C5orf24: variants seen among roughly 807,000 people sequenced by gnomAD.
The protein encoded by C5orf24 is chromosome 5 open reading frame 24, also known as UPF0461 protein C5orf24.
A neutral mutation model predicts 9.8 loss-of-function variants in C5orf24; 4 were observed. That is an observed-to-expected ratio of 0.41 (90% CI 0.20 to 0.93). C5orf24 has a LOEUF of 0.93. C5orf24 is among the 40% of genes least tolerant of loss of function. The pLI, the probability that C5orf24 is intolerant of heterozygous loss-of-function variation, is 0.33. For synonymous variants in C5orf24, 73 were observed against 81.3 expected (o/e 0.90, Z 0.55); for missense variants, 170 against 236.9 (o/e 0.72, Z 1.85).
At chr5:134,853,528 C>T (rs868709249) in intron 1 of C5orf24, among the ~76,000 whole-genome samples, 159 of 104,244 alleles carry the variant, frequency 1.5e-3, no homozygotes, top group African/African-American at 5.2e-3. Context: ...TCTTCTTCTT[C>T]TTTTTTTTTT....
chr5:134,837,686 TC>T, the C5orf24 span, among the ~76,000 whole-genome samples: 1 of 150,600 alleles, frequency 6.6e-6, no homozygotes, highest in Non-Finnish European at 1.5e-5. Flanking sequence ...AAAAAAGCTG[TC>T]TGTGAATCAG....
At position 134,856,865 on chromosome 5, in the gene C5orf24, A is replaced by G. The variant is rs1312736236; in HGVS notation, c.*1398A>G. 4.0e-6 allele frequency: 4 copies of G among 1,000,284 alleles called. No individual in the cohort carries two copies. Among genetic ancestry groups the G allele is most frequent in the African/African-American group, 1.7e-5 (1 of 57,234 alleles). The allele number at this position is 1,000,284 out of a possible 1,614,324, so 62.0% of individuals were successfully genotyped here. On this transcript the variant is annotated 3_prime_UTR_variant, in exon 2 of 2. Transcript: ENST00000394976. ...TCCCGACCATCAGAACCCAAATATT[A>G]AGAAGCATATAGGAATCCATCTATG...
the C5orf24 span, among the ~76,000 whole-genome samples, chr5:134,836,777 C>T: frequency 3.3e-5 from 5 of 150,938 alleles, no homozygotes; most frequent in African/African-American, 4.9e-5. Context: ...CTCCTGACCT[C>T]GTGATCCGCC....
At chr5:134,846,902 A>G (rs1187626354) in intron 1 of C5orf24, 1 of 152,218 alleles carries the variant, frequency 6.6e-6, no homozygotes, top group African/African-American at 2.4e-5. Flanking sequence ...TGAAACGTAT[A>G]TGATTATACA....
rs56364908 is a variant in C5orf24, at chr5:134,847,084, G to C, written c.-4+872G>C. ...TACATTTCTTTATGTTGGCAGTAAT[G>C]ACTGCCACATTCAAGAGAAGAGAAA... On this transcript the variant is annotated intron_variant, in intron 1 of 1. Transcript: ENST00000394976. Among the ~76,000 whole-genome samples the C allele has an allele frequency of 9.2e-3, 1,405 of 152,262 alleles. 17 individuals are homozygous for C. The highest frequency in any genetic ancestry group is 0.032 in the African/African-American group (1,347 of 41,528).
upstream of C5orf24, among the ~76,000 whole-genome samples, chr5:134,843,681 C>T (rs987515056): frequency 1.2e-4 from 18 of 152,156 alleles, no homozygotes; most frequent in African/African-American, 4.3e-4. Flanking sequence ...CTCAGCCTCC[C>T]GAGTAACTGG....
chr5:134,841,041 T>C (rs1207199368), upstream of C5orf24, among the ~76,000 whole-genome samples: 1 of 152,112 alleles, frequency 6.6e-6, no homozygotes, highest in African/African-American at 2.4e-5. Flanking sequence ...CTATGAAGCA[T>C]GACATTCCAA....
At chr5:134,840,238 C>T in the C5orf24 span, among the ~76,000 whole-genome samples, 5 of 137,250 alleles carry the variant, frequency 3.6e-5, no homozygotes, top group South Asian at 4.8e-4. Context: ...ACCCGGGAGG[C>T]GGAGGTTGCA....
At chr5:134,841,344 C>T (rs1164466707), upstream of C5orf24, among the ~76,000 whole-genome samples, 1 of 151,698 alleles carries the variant, frequency 6.6e-6, no homozygotes, top group Non-Finnish European at 1.5e-5. Context: ...CATCCCAGCA[C>T]TTTGGGAGGC....
At chr5:134,838,641 C>CA in the C5orf24 span, among the ~76,000 whole-genome samples, 6 of 152,060 alleles carry the variant, frequency 3.9e-5, no homozygotes, top group African/African-American at 1.4e-4. Flanking sequence ...GACTTTATCT[C>CA]AAACAAACAA....
the C5orf24 span, among the ~76,000 whole-genome samples, chr5:134,836,571 TCTCA>T: frequency 2.6e-5 from 4 of 152,080 alleles, no homozygotes; most frequent in Non-Finnish European, 5.9e-5. Flanking sequence ...TGAGATGGAG[TCTCA>T]CTCTGTCATG....
At chr5:134,853,528 C>CTTCTTTTTTTTTTTTTT (rs1756223114) in intron 1 of C5orf24, among the ~76,000 whole-genome samples, 1 of 104,242 alleles carries the variant, frequency 9.6e-6, no homozygotes, top group African/African-American at 3.5e-5. Context: ...TCTTCTTCTT[C>CTTCTTTTTTTTTTTTTT]TTTTTTTTTT....
In C5orf24 at chr5:134,856,084, A is replaced by G; in HGVS notation, c.*617A>G. On this transcript the variant is annotated 3_prime_UTR_variant, in exon 2 of 2. Coordinates refer to ENST00000394976, the MANE Select transcript of C5orf24 (RefSeq NM_001135586.1). ...AATTGATTTAACCATTATACCTGAA[A>G]TAATTCTTCAGTGTTTGCCTTTGAG... 2 of 1,000,638 alleles carry G rather than the reference A, an allele frequency of 2.0e-6. No homozygotes were observed. Among genetic ancestry groups the G allele is most frequent in the Non-Finnish European group, 2.4e-6 (2 of 830,290 alleles). 62.0% of individuals were successfully genotyped at this position (1,000,638 alleles called of 1,614,324 possible).
Position 134,856,425 on chromosome 5 carries a change from G to C in C5orf24, c.*958G>C, listed in dbSNP as rs1756314225. 6 of 558,642 alleles carry C rather than the reference G, an allele frequency of 1.1e-5. No homozygotes were observed. The highest frequency in any genetic ancestry group is 1.4e-5 in the Non-Finnish European group (6 of 427,716). 34.6% of individuals were successfully genotyped at this position (558,642 alleles called of 1,614,324 possible). A position where few individuals can be genotyped will look rare whatever the true frequency, so the allele number is the denominator to read the frequency against. ...GGAGGCCGAGGCAGGCGGATCACTT[G>C]AGGTCAGCAGTTCAAGACTAGCCTG... is the stretch of plus-strand genomic sequence containing the variant. On this transcript the variant is annotated 3_prime_UTR_variant, in exon 2 of 2. Transcript: ENST00000394976.
chr5:134,854,112 A>G (rs368700245), intron 1 of C5orf24, among the ~76,000 whole-genome samples: 5 of 152,284 alleles, frequency 3.3e-5, no homozygotes, highest in African/African-American at 1.2e-4. Flanking sequence ...ATACTTTATT[A>G]TGGTTGTTAT....
chr5:134,849,030 G>A (rs1756078756), intron 1 of C5orf24, among the ~76,000 whole-genome samples: 1 of 151,644 alleles, frequency 6.6e-6, no homozygotes, highest in South Asian at 2.1e-4. Flanking sequence ...GGCTGAGCGG[G>A]TGGATCACGA....
rs188938336 is a variant in C5orf24, at chr5:134,853,372, A to C, written c.-3-1526A>C. On this transcript the variant is annotated intron_variant, in intron 1 of 1. Coordinates refer to ENST00000394976, the MANE Select transcript of C5orf24 (RefSeq NM_001135586.1). ...GCGAAACTCCACCTAAAAAAAAAAA[A>C]AAAAAAAACCTGTCATTTCCTCTGT... Among the ~76,000 whole-genome samples, 269 of 150,978 alleles carry C rather than the reference A, an allele frequency of 1.8e-3. 2 individuals carry two copies. Among genetic ancestry groups the C allele is most frequent in the African/African-American group, 6.1e-3 (253 of 41,360 alleles).
At chr5:134,840,079 TG>T in the C5orf24 span, among the ~76,000 whole-genome samples, 2 of 151,874 alleles carry the variant, frequency 1.3e-5, no homozygotes, top group Non-Finnish European at 2.9e-5. Flanking sequence ...GAGGCCAAGG[TG>T]GGCGGATCAT....
chr5:134,850,919 C>CATATATATAT (rs201093286), intron 1 of C5orf24, among the ~76,000 whole-genome samples: 37 of 140,488 alleles, frequency 2.6e-4, no homozygotes, highest in East Asian at 1.2e-3. Flanking sequence ...TATGAATGTT[C>CATATATATAT]ATATATATAT....
Sources: allele counts gnomAD v4.1 joint callset (sites outside exome capture counted in the v4.1 genomes callset), GRCh38; gene constraint gnomAD v4.1.1; transcripts MANE v1.5; gene names NCBI Gene and HGNC (gene_info 2026-07-23, HGNC 2026-07-21).